The following ZNF638 variants were observed in gnomAD, a reference collection of about 807,000 sequenced individuals.
ZNF638 encodes CTCL tumor antigen se33-1.
Under a neutral mutation model 195.6 loss-of-function variants are expected in ZNF638, and 46 were observed. The ratio of observed to expected loss-of-function variants is 0.24; its 90% CI spans 0.19 to 0.30. The LOEUF is 0.30. Ranked by LOEUF, ZNF638 falls within the 10% of genes least tolerant of loss-of-function variation. ZNF638 has a pLI of 1.00. For missense variants in ZNF638, 2,440 were observed against 2,325.3 expected (o/e 1.05, Z -1.01); for synonymous variants, 845 against 772.0 (o/e 1.09, Z -1.57).
chr2:71,366,709 T>C (rs1558845891), intron 6 of ZNF638, among the ~76,000 whole-genome samples: 1 of 152,212 alleles, frequency 6.6e-6, no homozygotes, highest in African/African-American at 2.4e-5. Context: ...CTCCTGAGAA[T>C]TGATCATTAT....
chr2:71,417,517 G>A (rs1272638934), intron 20 of ZNF638, among the ~76,000 whole-genome samples: 1 of 127,740 alleles, frequency 7.8e-6, no homozygotes, highest in Non-Finnish European at 1.8e-5. Context: ...TTTTTAAAAG[G>A]CACTTCAGTT....
chr2:71,360,999 TGAA>T (rs899457655), intron 3 of ZNF638, among the ~76,000 whole-genome samples: 2 of 152,190 alleles, frequency 1.3e-5, no homozygotes, highest in African/African-American at 4.8e-5. Context: ...CTGAACCTAA[TGAA>T]GATCAACAAT....
chr2:71,341,664 C>CAAGTT (rs928564857), intron 1 of ZNF638: 5 of 152,186 alleles, frequency 3.3e-5, no homozygotes, highest in African/African-American at 1.2e-4. Context: ...TTTTCCCCAA[C>CAAGTT]AAGTTAATAG....
chr2:71,361,824 T>G (rs1573048896), intron 3 of ZNF638: 1 of 146,538 alleles, frequency 6.8e-6, no homozygotes, highest in African/African-American at 2.5e-5. Flanking sequence ...GCTTTTTTTT[T>G]GCCATTGTAA....
intron 4 of ZNF638, 141 bp downstream of exon 4, chr2:71,363,332 A>G: frequency 3.2e-6 from 2 of 625,640 alleles, no homozygotes; most frequent in East Asian, 5.7e-5. Flanking sequence ...TGAATCTTTA[A>G]CTTATTCCAG....
intron 21 of ZNF638, among the ~76,000 whole-genome samples, chr2:71,421,230 A>G (rs984323412): frequency 6.6e-6 from 1 of 152,200 alleles, no homozygotes; most frequent in East Asian, 1.9e-4. Flanking sequence ...AGTAATATTC[A>G]TATACCTGCT....
chr2:71,375,250 A>G (rs2079399528), intron 8 of ZNF638: 1 of 152,216 alleles, frequency 6.6e-6, no homozygotes. Context: ...TTCAGTTTCA[A>G]CTAATAAAAC....
intron 8 of ZNF638, among the ~76,000 whole-genome samples, chr2:71,373,631 G>C (rs544918277): frequency 1.3e-5 from 2 of 150,714 alleles, no homozygotes; most frequent in East Asian, 4.0e-4. Flanking sequence ...TGTTAGCCAG[G>C]ATGGTCTTGA....
intron 2 of ZNF638, among the ~76,000 whole-genome samples, chr2:71,351,443 G>A (rs773741551): frequency 6.6e-6 from 1 of 152,086 alleles, no homozygotes; most frequent in African/African-American, 2.4e-5. Flanking sequence ...TCCTTACAAG[G>A]GAAAGTCTTA....
At chr2:71,338,425 T>C (rs1353260279) in intron 1 of ZNF638, among the ~76,000 whole-genome samples, 1 of 152,234 alleles carries the variant, frequency 6.6e-6, no homozygotes, top group Admixed American at 6.5e-5. Flanking sequence ...TCTTTCTTGC[T>C]TTCTCCTATT....
Position 71,427,045 on chromosome 2 carries a change from G to A in ZNF638, c.5176G>A (p.Val1726Met), listed in dbSNP as rs1804020. Reference sequence around the variant, plus strand: ...TTCCATTGGCTTCATTTCTTCTCAGGTGCCCGAAGACCCTTCTACTTTAGT... The same window carrying A: ...TTCCATTGGCTTCATTTCTTCTCAGATGCCCGAAGACCCTTCTACTTTAGT... ...RDSIGFISSQ[V>M]PEDPSTLVTV... The change falls in exon 24 of 28, where the codon GTG becomes ATG. Residue 1726 changes from valine (V) to methionine (M), a missense_variant. Around this residue, in one of 5 missense-constraint regions of ZNF638, gnomAD observed 1,883 missense variants for 1,739.1 expected, o/e 1.08. Coordinates refer to ENST00000264447, the MANE Select transcript of ZNF638 (RefSeq NM_014497.5). 416,086 of 1,613,230 alleles carry A rather than the reference G, an allele frequency of 0.26. 59,386 individuals carry two copies. The highest frequency in any genetic ancestry group is 0.71 in the East Asian group (31,866 of 44,858).
At position 71,363,008 on chromosome 2, in the gene ZNF638, T is replaced by C. The variant is rs1316223635; in HGVS notation, c.1380-145T>C. 5 of 689,724 alleles carry C rather than the reference T, an allele frequency of 7.2e-6. No individual in the cohort carries two copies. In the South Asian group the frequency reaches 8.6e-5, roughly 12 times the overall value. The allele number at this position is 689,724 out of a possible 1,614,324, so 42.7% of individuals were successfully genotyped here. On this transcript the variant is annotated intron_variant, in intron 3 of 27. Transcript: ENST00000264447. ...TGATACACCTATTAGCATAATACTT[T>C]GATTATTTATTGAATTAAACTCTCA...
At chr2:71,351,161 T>A (rs1261482210) in intron 2 of ZNF638, among the ~76,000 whole-genome samples, 2 of 152,236 alleles carry the variant, frequency 1.3e-5, no homozygotes, top group African/African-American at 4.8e-5. Context: ...AAAGCTTTGA[T>A]TCAAGGCCAT....
In ZNF638 at chr2:71,430,653, A is replaced by G. The variant is rs564020825; in HGVS notation, c.5651-674A>G. On this transcript the variant is annotated intron_variant, in intron 25 of 27. Transcript: ENST00000264447. ...GGGTTAATAATGATTTCACGTGCCT[A>G]TCTTACATGAGGTAAAAGCTAAATG... is the stretch of plus-strand genomic sequence containing the variant. 9.8e-5 allele frequency among the ~76,000 whole-genome samples: 15 copies of G among 152,340 alleles called. No homozygotes were observed. In the South Asian group the frequency reaches 1.4e-3, roughly 15 times the overall value.
chr2:71,404,122 C>A, intron 17 of ZNF638, 124 bp downstream of exon 17: 1 of 925,050 alleles, frequency 1.1e-6, no homozygotes, highest in East Asian at 2.6e-5. Flanking sequence ...GAGAAAGCTT[C>A]TTCCTGTCCC....
At chr2:71,384,449 T>A (rs1379905026) in intron 10 of ZNF638, among the ~76,000 whole-genome samples, 2 of 152,230 alleles carry the variant, frequency 1.3e-5, no homozygotes, top group African/African-American at 4.8e-5. Flanking sequence ...GTGTATTATT[T>A]TGTAGTCACT....
intron 1 of ZNF638, among the ~76,000 whole-genome samples, chr2:71,336,732 T>C (rs1405442231): frequency 6.6e-6 from 1 of 152,266 alleles, no homozygotes; most frequent in East Asian, 1.9e-4. Flanking sequence ...ACCAGAGTTA[T>C]TTCACAGGAT....
intron 26 of ZNF638, 41 bp from the exon 27 acceptor site, chr2:71,433,124 A>T: frequency 7.5e-7 from 1 of 1,330,354 alleles, no homozygotes; most frequent in Non-Finnish European, 1.1e-6. Flanking sequence ...ACTGGAGATT[A>T]ATTATTGTTA....
chr2:71,397,302 G>A (rs1327199825), intron 11 of ZNF638, among the ~76,000 whole-genome samples: 2 of 152,110 alleles, frequency 1.3e-5, no homozygotes, highest in East Asian at 3.9e-4. Flanking sequence ...AATAACATAG[G>A]GATAGTGAAA....
Sources: gnomAD v4.1 joint callset for allele counts (sites outside exome capture counted in the v4.1 genomes callset) on GRCh38, gnomAD v4.1.1 for gene constraint, gnomAD v4.1.1 regional missense constraint, MANE v1.5 for transcripts, NCBI Gene and HGNC (gene_info 2026-07-23, HGNC 2026-07-21) for gene names.